TUBA1C: variants seen among roughly 807,000 people sequenced by gnomAD.
The protein encoded by TUBA1C is tubulin alpha 1c, also known as tubulin alpha-1C chain.
TUBA1C carries 16 observed loss-of-function variants against 34.9 expected under a neutral mutation model. That is an observed-to-expected ratio of 0.46 (90% CI 0.31 to 0.70). The LOEUF is 0.70. Ranked by LOEUF, TUBA1C falls within the 30% of genes least tolerant of loss-of-function variation. TUBA1C has a pLI of 0.05. For synonymous variants in TUBA1C, 177 were observed against 215.9 expected (o/e 0.82, Z 1.58); for missense variants, 329 against 587.3 (o/e 0.56, Z 4.55).
rs574450453 is a variant in TUBA1C at position 49,254,317 on chromosome 12, G to C, written c.214-15148G>C. Among the ~76,000 whole-genome samples the C allele has an allele frequency of 8.0e-5, 12 of 149,538 alleles. No homozygotes were observed. The South Asian group carries it at 2.6e-3, about 32-fold the overall frequency. Reference sequence around the variant, plus strand: ...CAAGAGTGAAACTCCATCTCAAGAAGAGAAAAGAAAAAATTAGCCGAGTGT... The same window carrying C: ...CAAGAGTGAAACTCCATCTCAAGAACAGAAAAGAAAAAATTAGCCGAGTGT... On this transcript the variant is annotated intron_variant, in intron 1 of 3. Coordinates refer to the TUBA1C transcript ENST00000541364.
At chr12:49,249,570 ATAACAATG>A (rs1942711799) in intron 1 of TUBA1C, among the ~76,000 whole-genome samples, 1 of 152,210 alleles carries the variant, frequency 6.6e-6, no homozygotes, top group African/African-American at 2.4e-5. Context: ...CTTTGAAAAA[ATAACAATG>A]ACTGGTCGTG....
Position 49,247,947 on chromosome 12 carries a change from C to CAA in TUBA1C, c.213+19796_213+19797dup, listed in dbSNP as rs59651984. 6.8e-3 allele frequency among the ~76,000 whole-genome samples: 585 copies of CAA among 86,450 alleles called. 1 individual carries two copies. Among genetic ancestry groups the CAA allele is most frequent in the Admixed American group, 0.01 (78 of 7,762 alleles). 56.7% of individuals were successfully genotyped at this position (86,450 alleles called of 152,430 possible). On this transcript the variant is annotated intron_variant, in intron 1 of 3. Coordinates refer to the TUBA1C transcript ENST00000541364. ...TGGGCGATAGAACGAGATTCCGTCTCAAAAAAAAAAAAAAAAGAGAGAAAG... is the reference window on the plus strand; with the variant it reads ...TGGGCGATAGAACGAGATTCCGTCTCAAAAAAAAAAAAAAAAAAGAGAGAAAG...
rs1565652374 is a variant in TUBA1C at position 49,273,291 on chromosome 12, C to T, written c.*64C>T. The T allele has an allele frequency of 6.2e-7, 1 of 1,612,938 alleles. No individual in the cohort carries two copies. The highest frequency in any genetic ancestry group is 1.1e-5 in the South Asian group (1 of 90,996). On this transcript the variant is annotated 3_prime_UTR_variant, in exon 4 of 4. Transcript: ENST00000301072. ...TGTCTTATTTTTGTTCTGTAAATGT[C>T]TATTGCCGTAAATTGTTAATAAAAT...
At chr12:49,250,528 A>C (rs1942723029) in intron 1 of TUBA1C, among the ~76,000 whole-genome samples, 1 of 151,554 alleles carries the variant, frequency 6.6e-6, no homozygotes, top group Non-Finnish European at 1.5e-5. Flanking sequence ...CGTCTCAAAA[A>C]AAAAAAAAAA....
intron 1 of TUBA1C, among the ~76,000 whole-genome samples, chr12:49,267,769 A>G (rs1287854039): frequency 6.6e-6 from 1 of 152,114 alleles, no homozygotes; most frequent in Non-Finnish European, 1.5e-5. Context: ...TGGTTAAGAG[A>G]CCTTGATTGT....
At chr12:49,254,453 G>A (rs1159807506) in intron 1 of TUBA1C, among the ~76,000 whole-genome samples, 1 of 135,240 alleles carries the variant, frequency 7.4e-6, no homozygotes, top group Non-Finnish European at 1.5e-5. Flanking sequence ...CTGCACTCCA[G>A]CCTGGGCAAC....
intron 1 of TUBA1C, among the ~76,000 whole-genome samples, chr12:49,265,813 TACTTAAGCCGGGTTTA>T (rs1357710396): frequency 2.0e-5 from 3 of 152,214 alleles, no homozygotes; most frequent in Non-Finnish European, 4.4e-5. Flanking sequence ...TGAAGCTTTC[TACTTAAGCCGGGTTTA>T]AAAACACGTC....
chr12:49,247,145 A>G (rs1942678459), intron 1 of TUBA1C, among the ~76,000 whole-genome samples: 1 of 151,966 alleles, frequency 6.6e-6, no homozygotes, highest in Admixed American at 6.6e-5. Context: ...ATCTCAAAAA[A>G]AAAAAAGAAA....
chr12:49,255,885 T>G (rs1185303845), intron 1 of TUBA1C, among the ~76,000 whole-genome samples: 1 of 152,160 alleles, frequency 6.6e-6, no homozygotes. Flanking sequence ...TTTTTAGGCT[T>G]CCATAGCAAT....
chr12:49,230,988 C>T (rs557189437), intron 1 of TUBA1C, among the ~76,000 whole-genome samples: 48 of 152,208 alleles, frequency 3.2e-4, no homozygotes, highest in Non-Finnish European at 6.2e-4. Context: ...AACTTAGTAT[C>T]GTTTCTGGTA....
rs1205037556 is a variant in TUBA1C, at chr12:49,269,837, G to A, written c.236G>A (p.Arg79His). 3.7e-6 allele frequency: 6 copies of A among 1,612,598 alleles called. No individual in the cohort carries two copies. The highest frequency in any genetic ancestry group is 1.7e-5 in the Admixed American group (1 of 59,788). Reference protein sequence around the residue: ...DLEPTVIDEVRTGTYRQLFHP... With the variant: ...DLEPTVIDEVHTGTYRQLFHP... The stretch of plus-strand genomic sequence containing the variant: ...CCATCATGTTCTCCAGATGAAGTTC[G>A]CACTGGCACTTACCGCCAGCTCTTC... The change falls in exon 3 of 4, where the codon CGC (arginine) becomes CAC (histidine). Residue 79 changes from arginine to histidine, a missense_variant. Physicochemically the swap from Arg to His is conservative, Grantham distance 29. Transcript: ENST00000301072.
intron 1 of TUBA1C, among the ~76,000 whole-genome samples, chr12:49,259,690 G>GT (rs1390556955): frequency 6.6e-6 from 1 of 152,180 alleles, no homozygotes; most frequent in Non-Finnish European, 1.5e-5. Flanking sequence ...GATCTTGGTT[G>GT]TTAAGTGACA....
rs753659529 is a variant in TUBA1C at position 49,273,251 on chromosome 12, C to G, written c.*24C>G. On this transcript the variant is annotated 3_prime_UTR_variant, in exon 4 of 4. Coordinates refer to ENST00000301072, the MANE Select transcript of TUBA1C (RefSeq NM_032704.5). ...AACCTGTGTGCTGTACTTTTACACT[C>G]CTTTGTCTTGGAACTGTCTTATTTT... 3.1e-6 allele frequency: 5 copies of G among 1,614,140 alleles called. No individual in the cohort carries two copies. The South Asian group carries it at 5.5e-5, about 18-fold the overall frequency.
chr12:49,257,666 C>T (rs913284597), intron 1 of TUBA1C, among the ~76,000 whole-genome samples: 1 of 151,734 alleles, frequency 6.6e-6, no homozygotes, highest in Non-Finnish European at 1.5e-5. Context: ...GTAACCTCAG[C>T]TATTCAGGAA....
chr12:49,253,170 T>C (rs1168345913), intron 1 of TUBA1C, among the ~76,000 whole-genome samples: 3 of 149,946 alleles, frequency 2.0e-5, no homozygotes, highest in African/African-American at 7.4e-5. Flanking sequence ...CTGAGCAATA[T>C]AAACCCGCTG....
At chr12:49,253,766 G>A (rs890077037) in intron 1 of TUBA1C, among the ~76,000 whole-genome samples, 1 of 152,106 alleles carries the variant, frequency 6.6e-6, no homozygotes, top group South Asian at 2.1e-4. Flanking sequence ...GGACTCAAGC[G>A]ATCTTCCTGC....
At chr12:49,234,662 C>A (rs1942531477) in intron 1 of TUBA1C, among the ~76,000 whole-genome samples, 1 of 152,152 alleles carries the variant, frequency 6.6e-6, no homozygotes, top group South Asian at 2.1e-4. Context: ...AGGCCACTTC[C>A]GCCGCGGCCC....
chr12:49,266,476 GTTC>G (rs950791395), intron 1 of TUBA1C, among the ~76,000 whole-genome samples: 1 of 151,988 alleles, frequency 6.6e-6, no homozygotes, highest in African/African-American at 2.4e-5. Flanking sequence ...AGTACCACGT[GTTC>G]TTAGTTCAGT....
intron 1 of TUBA1C, among the ~76,000 whole-genome samples, chr12:49,244,096 G>C (rs2136996217): frequency 6.7e-6 from 1 of 149,918 alleles, no homozygotes; most frequent in South Asian, 2.1e-4. Context: ...GTTGCAGTGA[G>C]CCGAGATTGT....
Sources: allele counts gnomAD v4.1 joint callset (sites outside exome capture counted in the v4.1 genomes callset), GRCh38; gene constraint gnomAD v4.1.1; transcripts MANE v1.5; gene names NCBI Gene and HGNC (gene_info 2026-07-23, HGNC 2026-07-21).